Variants in OR1J2 observed in about 807,000 individuals in gnomAD.
OR1J2 encodes the protein olfactory receptor 1J2.
For missense variants in OR1J2, 304 were observed against 246.1 expected (o/e 1.24, Z -1.57); for synonymous variants, 142 against 99.7 (o/e 1.42, Z -2.52).
the OR1J2 span, among the ~76,000 whole-genome samples, chr9:122,518,570 A>T: frequency 2.0e-5 from 3 of 152,288 alleles, no homozygotes; most frequent in East Asian, 5.8e-4. Context: ...CTCACCTTTA[A>T]ATATTTTGTG....
chr9:122,569,056 G>GA, the OR1J2 span, among the ~76,000 whole-genome samples: 27,593 of 151,836 alleles, frequency 0.18, 3,125 homozygotes, highest in Middle Eastern at 0.31. Flanking sequence ...GCATTGTCTT[G>GA]AAAAAAACTA....
chr9:122,576,388 AT>A, the OR1J2 span, among the ~76,000 whole-genome samples: 42,038 of 138,446 alleles, frequency 0.3, 6,222 homozygotes, highest in Non-Finnish European at 0.38. Context: ...CGCCCAGCTA[AT>A]TTTTTTTTTT....
the OR1J2 span, among the ~76,000 whole-genome samples, chr9:122,447,755 T>C: frequency 6.6e-6 from 1 of 152,190 alleles, no homozygotes; most frequent in Non-Finnish European, 1.5e-5. Flanking sequence ...TCCTTCCTTC[T>C]CTTTCTTTTC....
the OR1J2 span, chr9:122,477,827 T>C: frequency 3.1e-6 from 5 of 1,613,976 alleles, no homozygotes; most frequent in Non-Finnish European, 3.4e-6. Flanking sequence ...GTCAGGTACA[T>C]GCCCAGGAAC....
chr9:122,559,927 G>A, the OR1J2 span, among the ~76,000 whole-genome samples: 3 of 152,166 alleles, frequency 2.0e-5, no homozygotes, highest in South Asian at 4.2e-4. Context: ...TTGACAGTGG[G>A]GTGTTAAAGT....
At chr9:122,509,403 G>A (rs550597434), upstream of OR1J2, among the ~76,000 whole-genome samples, 13 of 152,320 alleles carry the variant, frequency 8.5e-5, no homozygotes, top group African/African-American at 3.1e-4. Context: ...AGGGAGGAAA[G>A]GGAGACTGGA....
the OR1J2 span, among the ~76,000 whole-genome samples, chr9:122,481,541 A>G: frequency 5.9e-5 from 9 of 152,346 alleles, no homozygotes; most frequent in East Asian, 1.7e-3. Context: ...AATATGGCAA[A>G]AAATACAAAC....
At chr9:122,484,782 T>C in the OR1J2 span, among the ~76,000 whole-genome samples, 2 of 152,048 alleles carry the variant, frequency 1.3e-5, no homozygotes, top group Non-Finnish European at 2.9e-5. Flanking sequence ...CCTGTAATCC[T>C]AACACTTTGG....
the OR1J2 span, among the ~76,000 whole-genome samples, chr9:122,559,397 C>T: frequency 2.6e-5 from 4 of 151,904 alleles, no homozygotes; most frequent in African/African-American, 9.7e-5. Flanking sequence ...TGGTTTGTTG[C>T]AACTATCAAC....
the OR1J2 span, chr9:122,526,825 G>A: frequency 1.9e-6 from 3 of 1,614,152 alleles, no homozygotes; most frequent in East Asian, 6.7e-5. Flanking sequence ...AGGAACGTGT[G>A]AGTCAGGGCA....
chr9:122,539,927 C>G, the OR1J2 span, among the ~76,000 whole-genome samples: 1 of 151,968 alleles, frequency 6.6e-6, no homozygotes, highest in South Asian at 2.1e-4. Context: ...TGAGAAGTGT[C>G]TGTTCATATC....
At chr9:122,578,735 C>T in the OR1J2 span, among the ~76,000 whole-genome samples, 1 of 152,028 alleles carries the variant, frequency 6.6e-6, no homozygotes, top group African/African-American at 2.4e-5. Flanking sequence ...TATGTTCTCA[C>T]TCATAAGTAG....
At chr9:122,470,613 G>A in the OR1J2 span, among the ~76,000 whole-genome samples, 1 of 152,202 alleles carries the variant, frequency 6.6e-6, no homozygotes, top group South Asian at 2.1e-4. Flanking sequence ...GAGGGCCACT[G>A]TTCTCCAGAC....
At chr9:122,500,277 C>T in the OR1J2 span, among the ~76,000 whole-genome samples, 3 of 152,156 alleles carry the variant, frequency 2.0e-5, no homozygotes, top group Non-Finnish European at 4.4e-5. Flanking sequence ...GCAAAATTGT[C>T]TCTCTCAGCC....
chr9:122,508,380 G>C (rs1019825684), upstream of OR1J2, among the ~76,000 whole-genome samples: 7 of 152,126 alleles, frequency 4.6e-5, no homozygotes, highest in African/African-American at 1.7e-4. Flanking sequence ...TTTGAAACCT[G>C]CCACCGACTT....
At chr9:122,527,195 A>G in the OR1J2 span, 11 of 1,614,118 alleles carry the variant, frequency 6.8e-6, no homozygotes, top group Non-Finnish European at 9.3e-6. Context: ...AGGTGACAAG[A>G]TACATACACA....
At chr9:122,516,893 G>A in the OR1J2 span, among the ~76,000 whole-genome samples, 26 of 152,230 alleles carry the variant, frequency 1.7e-4, no homozygotes, top group South Asian at 4.0e-3. Context: ...ATCAGGTCAC[G>A]ATCTCATGAT....
At chr9:122,554,267 G>A in the OR1J2 span, 51 of 838,684 alleles carry the variant, frequency 6.1e-5, no homozygotes, top group South Asian at 7.3e-4. Flanking sequence ...AAGGTTATCC[G>A]TTGACTCTGA....
At chr9:122,558,575 T>C in the OR1J2 span, among the ~76,000 whole-genome samples, 1 of 151,762 alleles carries the variant, frequency 6.6e-6, no homozygotes, top group Admixed American at 6.6e-5. Context: ...TGTGATGCCT[T>C]CAAGAACATA....
Sources: gnomAD v4.1 joint callset for allele counts (sites outside exome capture counted in the v4.1 genomes callset) on GRCh38, gnomAD v4.1.1 for gene constraint, MANE v1.5 for transcripts, NCBI Gene and HGNC (gene_info 2026-07-23, HGNC 2026-07-21) for gene names.